CTDSP1: variants seen among roughly 807,000 people sequenced by gnomAD.
CTDSP1 encodes carboxy-terminal domain RNA polymerase II polypeptide A small phosphatase 1.
In CTDSP1, 15 loss-of-function variants were observed where a neutral mutation model predicts 32.5. The observed-to-expected ratio is 0.46, with a 90% CI of 0.31 to 0.71. The LOEUF is 0.71. CTDSP1 is among the 30% of genes least tolerant of loss of function. The pLI is 0.05. For missense variants in CTDSP1, 294 were observed against 351.1 expected (o/e 0.84, Z 1.30); for synonymous variants, 185 against 145.4 (o/e 1.27, Z -1.96).
In CTDSP1 at chr2:218,404,713, T is replaced by C. The variant is rs969558083; in HGVS notation, c.*288T>C. On this transcript the variant is annotated 3_prime_UTR_variant, in exon 7 of 7. Transcript: ENST00000273062. ...TCCCTTTTTCTGTCTCTGTCCATGC[T>C]GCCATGTTTCTCTGCTGCCAAATTG... is the stretch of plus-strand genomic sequence containing the variant. 2 of 355,964 alleles carry C rather than the reference T, an allele frequency of 5.6e-6. No individual in the cohort carries two copies. Among genetic ancestry groups the C allele is most frequent in the Non-Finnish European group, 1.0e-5 (2 of 194,720 alleles). The allele number at this position is 355,964 out of a possible 1,614,324, so 22.1% of individuals were successfully genotyped here. A position where few individuals can be genotyped will look rare whatever the true frequency, so the allele number is the denominator to read the frequency against.
chr2:218,401,017 C>T (rs1697108398), intron 1 of CTDSP1: 27 of 439,378 alleles, frequency 6.1e-5, no homozygotes, highest in South Asian at 4.0e-4. Context: ...GGCTGCTGGG[C>T]TCCAGGTCGG....
chr2:218,398,626 C>T (rs1352506123), upstream of CTDSP1: 2 of 478,362 alleles, frequency 4.2e-6, no homozygotes, highest in East Asian at 3.8e-5. Flanking sequence ...TCGGCAGGGC[C>T]TGGCGGACGT....
At chr2:218,396,529 TTA>T (rs1696782894), upstream of CTDSP1, 1 of 152,360 alleles carries the variant, frequency 6.6e-6, no homozygotes, top group Admixed American at 6.5e-5. Flanking sequence ...GGACGCTTGT[TTA>T]TGAGAAGAAT....
At chr2:218,401,320 G>A (rs1018430084) in intron 1 of CTDSP1, 3 of 564,630 alleles carry the variant, frequency 5.3e-6, no homozygotes, top group Non-Finnish European at 9.5e-6. Flanking sequence ...TCCAGGCCAC[G>A]CACTCCCTAT....
chr2:218,397,978 C>T (rs1368663321), upstream of CTDSP1, among the ~76,000 whole-genome samples: 5 of 152,182 alleles, frequency 3.3e-5, no homozygotes, highest in African/African-American at 9.6e-5. Flanking sequence ...CTGAGGAATC[C>T]TGTGAGCTCA....
At chr2:218,401,814 C>G (rs1357891074) in intron 2 of CTDSP1, 102 bp downstream of exon 2, 2 of 1,189,120 alleles carry the variant, frequency 1.7e-6, no homozygotes, top group African/African-American at 1.5e-5. Context: ...GACTTGCAGA[C>G]CTGAAAGGTG....
intron 4 of CTDSP1, 166 bp downstream of exon 4, chr2:218,402,571 T>G: frequency 1.3e-6 from 1 of 796,718 alleles, no homozygotes; most frequent in South Asian, 1.4e-5. Context: ...CTCAAGGGCT[T>G]GTGCTGACTC....
In CTDSP1 at chr2:218,402,171, G is replaced by A. The variant is rs748115993; in HGVS notation, c.277G>A (p.Val93Met). 2.7e-5 allele frequency: 43 copies of A among 1,613,642 alleles called. No homozygotes were observed. The highest frequency in any genetic ancestry group is 3.5e-5 in the Non-Finnish European group (41 of 1,179,978). The change falls in exon 3 of 7, where the codon GTG becomes ATG. Residue 93 changes from valine (V) to methionine (M), a missense_variant. Val to Met is a conservative substitution (Grantham distance 21, BLOSUM62 1). Around this residue, in one of 2 missense-constraint regions of CTDSP1, gnomAD observed 146 missense variants for 237.7 expected, o/e 0.61. Transcript: ENST00000273062. ...AKAQDSDKIC[V>M]VIDLDETLVH... ...GGCCCAGGACTCAGACAAGATCTGC[G>A]TGGTCATCGACCTGGACGAGACCCT...
chr2:218,397,850 G>A (rs1696899292), upstream of CTDSP1, among the ~76,000 whole-genome samples: 1 of 152,160 alleles, frequency 6.6e-6, no homozygotes, highest in African/African-American at 2.4e-5. Flanking sequence ...GGCAGAAGGC[G>A]CGGCTACCTC....
upstream of CTDSP1, chr2:218,398,422 G>A: frequency 6.5e-7 from 1 of 1,535,088 alleles, no homozygotes. Flanking sequence ...AATGGTGGCC[G>A]CCCCGTGGGC....
Position 218,402,072 on chromosome 2 carries a change from C to T in CTDSP1, c.217-39C>T, listed in dbSNP as rs747930489. ...CCTGCGTGGGAGGAAGGACCAGGCC[C>T]GGAGAGAGGCACCCCAGCCAGCCCC... On this transcript the variant is annotated intron_variant, in intron 2 of 6. Coordinates refer to ENST00000273062, the MANE Select transcript of CTDSP1 (RefSeq NM_021198.3). 22 of 1,415,076 alleles carry T rather than the reference C, an allele frequency of 1.6e-5. No homozygotes were observed. The Admixed American group carries it at 1.6e-4, about 10-fold the overall frequency. The allele number at this position is 1,415,076 out of a possible 1,614,324, so 87.7% of individuals were successfully genotyped here.
At chr2:218,398,247 C>T (rs558657359), upstream of CTDSP1, 1 of 658,538 alleles carries the variant, frequency 1.5e-6, no homozygotes, top group South Asian at 1.7e-5. Flanking sequence ...TTGCCCTTGC[C>T]GGTAGACCCG....
At chr2:218,397,690 C>CACCTGTAG (rs1696889308), upstream of CTDSP1, among the ~76,000 whole-genome samples, 1 of 152,206 alleles carries the variant, frequency 6.6e-6, no homozygotes, top group Non-Finnish European at 1.5e-5. Context: ...AAGCGACCTC[C>CACCTGTAG]ACCTGTAGAG....
At chr2:218,400,389 C>T (rs1324753046) in intron 1 of CTDSP1, 1 of 642,830 alleles carries the variant, frequency 1.6e-6, no homozygotes, top group South Asian at 1.6e-5. Flanking sequence ...GGTGAGGAAA[C>T]TGAGGCAGGA....
intron 6 of CTDSP1, 148 bp from the exon 7 acceptor site, chr2:218,404,149 T>G (rs757556061): frequency 1.4e-5 from 12 of 864,110 alleles, no homozygotes; most frequent in Non-Finnish European, 2.0e-5. Context: ...TGTGTTTTCC[T>G]GGGGATTGCT....
At chr2:218,400,639 A>T in intron 1 of CTDSP1, 1 of 425,602 alleles carries the variant, frequency 2.3e-6, no homozygotes, top group Non-Finnish European at 4.7e-6. Context: ...TCTCCCGCCA[A>T]CACACAGCTA....
At position 218,402,338 on chromosome 2, in the gene CTDSP1, TC is replaced by T. The variant is rs750118204; in HGVS notation, c.322-5del. 1.6e-4 allele frequency: 263 copies of T among 1,613,550 alleles called. 1 individual carries two copies. Among genetic ancestry groups the T allele is most frequent in the Non-Finnish European group, 3.1e-5 (37 of 1,179,880 alleles). ...CCTCCTCCAACTCCAGCAGCTCTTT[TC>T]CCCCCACAGCCAGTGAACAACGCGG... On this transcript the variant is annotated splice_polypyrimidine_tract_variant and intron_variant, in intron 3 of 6. Coordinates refer to ENST00000273062, the MANE Select transcript of CTDSP1 (RefSeq NM_021198.3).
intron 1 of CTDSP1, chr2:218,401,070 G>A (rs1176751273): frequency 2.5e-6 from 1 of 392,356 alleles, no homozygotes; most frequent in Non-Finnish European, 5.2e-6. Flanking sequence ...ACTGGACACT[G>A]GCCCCAGGCC....
At position 218,404,573 on chromosome 2, in the gene CTDSP1, C is replaced by T; in HGVS notation, c.*148C>T. ...GCGGGCGTCTCCCCCACCAGCCCCA[C>T]CAGGCGGTGTAGGGGCAGCAGGCTG... On this transcript the variant is annotated 3_prime_UTR_variant, in exon 7 of 7. Transcript: ENST00000273062. 1 of 1,003,932 alleles carries T rather than the reference C, an allele frequency of 1.0e-6. No individual in the cohort carries two copies. The highest frequency in any genetic ancestry group is 2.4e-5 in the Admixed American group (1 of 41,002). 62.2% of individuals were successfully genotyped at this position (1,003,932 alleles called of 1,614,324 possible).
Sources: gnomAD v4.1 joint callset for allele counts (sites outside exome capture counted in the v4.1 genomes callset) on GRCh38, gnomAD v4.1.1 for gene constraint, gnomAD v4.1.1 regional missense constraint, MANE v1.5 for transcripts, NCBI Gene and HGNC (gene_info 2026-07-23, HGNC 2026-07-21) for gene names.